Variants in SLC39A10 observed in about 807,000 individuals in gnomAD.
The protein encoded by SLC39A10 is solute carrier family 39 member 10, also known as zinc transporter ZIP10.
Under a neutral mutation model 65.1 loss-of-function variants are expected in SLC39A10, and 13 were observed. That is an observed-to-expected ratio of 0.20 (90% CI 0.13 to 0.32). The LOEUF is 0.32. SLC39A10 is among the 10% of genes least tolerant of loss of function. The pLI is 1.00. For synonymous variants in SLC39A10, 321 were observed against 342.2 expected (o/e 0.94, Z 0.68); for missense variants, 831 against 1,018.4 (o/e 0.82, Z 2.50).
intron 3 of SLC39A10, among the ~76,000 whole-genome samples, chr2:195,703,715 A>T (rs914984641): frequency 6.6e-6 from 1 of 152,144 alleles, no homozygotes; most frequent in Non-Finnish European, 1.5e-5. Context: ...GTGCAGTGGC[A>T]TGATCTTGGC....
chr2:195,659,156 T>A (rs1480352624), intron 1 of SLC39A10, among the ~76,000 whole-genome samples: 1 of 152,202 alleles, frequency 6.6e-6, no homozygotes, highest in Non-Finnish European at 1.5e-5. Flanking sequence ...TTTTTACCTG[T>A]CCATATTTAC....
chr2:195,655,309 C>T (rs1689123351), upstream of SLC39A10, among the ~76,000 whole-genome samples: 3 of 152,058 alleles, frequency 2.0e-5, no homozygotes, highest in South Asian at 6.2e-4. Flanking sequence ...TTGGTTCAGC[C>T]GTACTTGTGT....
chr2:195,659,742 A>G (rs1027162721), intron 1 of SLC39A10, among the ~76,000 whole-genome samples: 13 of 152,206 alleles, frequency 8.5e-5, no homozygotes, highest in Non-Finnish European at 1.5e-4. Flanking sequence ...AACTGTGACC[A>G]TTAAATGAGA....
Position 195,734,916 on chromosome 2 carries a change from G to C in SLC39A10, c.2371G>C (p.Glu791Gln), listed in dbSNP as rs757362804. The change falls in exon 10 of 10, where the codon GAA (glutamate) becomes CAA (glutamine). Residue 791 changes from glutamate (E) to glutamine (Q), a missense_variant. Physicochemically the swap from Glu to Gln is conservative, Grantham distance 29. This residue lies in a region of SLC39A10 where 120 missense variants were observed against 203.9 expected (regional missense o/e 0.59). Transcript: ENST00000359634. The part of the protein sequence containing the change: ...PEMLHGDGDN[E>Q]EHGFCPVGQF... ...AATGTTGCATGGTGATGGTGACAATGAAGAACATGGCTTTTGTCCTGTGGG... is the reference window on the plus strand; with the variant it reads ...AATGTTGCATGGTGATGGTGACAATCAAGAACATGGCTTTTGTCCTGTGGG... 1.1e-5 allele frequency: 18 copies of C among 1,610,030 alleles called. No individual in the cohort carries two copies. The highest frequency in any genetic ancestry group is 1.5e-5 in the Non-Finnish European group (18 of 1,178,560).
chr2:195,676,118 A>G (rs1181065017), intron 1 of SLC39A10, among the ~76,000 whole-genome samples: 3 of 151,842 alleles, frequency 2.0e-5, no homozygotes, highest in African/African-American at 7.3e-5. Context: ...CTGATGTTTT[A>G]TATACATTGT....
Position 195,728,362 on chromosome 2 carries a change from A to G in SLC39A10, c.2337+13A>G, listed in dbSNP as rs752299365. 6.2e-5 allele frequency: 100 copies of G among 1,602,900 alleles called. No individual in the cohort carries two copies. In the South Asian group the frequency reaches 8.3e-4, roughly 13 times the overall value. ...CTTGGTGGATATGGTAAGATATTTT[A>G]TATTTTTTTGTGGTACTAAACCTGC... On this transcript the variant is annotated intron_variant, in intron 9 of 9. Transcript: ENST00000359634. The surrounding 1 kb of genome is among the most constrained non-coding windows in gnomAD (Gnocchi z 4.4).
Position 195,708,536 on chromosome 2 carries a change from C to G in SLC39A10, c.1387-120C>G, listed in dbSNP as rs914077803. 4 of 771,898 alleles carry G rather than the reference C, an allele frequency of 5.2e-6. No individual in the cohort carries two copies. In the African/African-American group the frequency reaches 7.1e-5, roughly 14 times the overall value. The allele number at this position is 771,898 out of a possible 1,614,324, so 47.8% of individuals were successfully genotyped here. A position where few individuals can be genotyped will look rare whatever the true frequency, so the allele number is the denominator to read the frequency against. ...AAGTGAGATAATATCTAGGGGAGCA[C>G]TTTAAAACTTGAAAGGTATTTTTTC... On this transcript the variant is annotated intron_variant, in intron 4 of 9. Transcript: ENST00000359634.
intron 1 of SLC39A10, among the ~76,000 whole-genome samples, chr2:195,674,406 T>C (rs1689997849): frequency 1.3e-5 from 2 of 152,024 alleles, no homozygotes; most frequent in African/African-American, 4.8e-5. Context: ...CCTTCCCGAG[T>C]AGCTGAGATT....
intron 2 of SLC39A10, among the ~76,000 whole-genome samples, chr2:195,613,072 G>T (rs1688132882): frequency 6.6e-6 from 1 of 152,020 alleles, no homozygotes. Context: ...CTCCCAACAG[G>T]TGAAGTTAAG....
Position 195,619,760 on chromosome 2 carries a change from A to G in SLC39A10, c.-12+13527A>G, listed in dbSNP as rs1413575047. ...AGAAAAAAAAACTAAACTAAAGCTG[A>G]CACAAGTCTGAGTAAGATGGAATAG... On this transcript the variant is annotated intron_variant, in intron 2 of 2. Coordinates refer to the SLC39A10 transcript ENST00000458054. 2.0e-5 allele frequency among the ~76,000 whole-genome samples: 3 copies of G among 152,160 alleles called. No homozygotes were observed. The East Asian group carries it at 5.8e-4, about 29-fold the overall frequency.
At chr2:195,707,000 T>TA (rs991090547) in intron 4 of SLC39A10, among the ~76,000 whole-genome samples, 5 of 151,970 alleles carry the variant, frequency 3.3e-5, no homozygotes, top group Non-Finnish European at 4.4e-5. Flanking sequence ...CAATAGTCTT[T>TA]AAAAAAAACT....
At chr2:195,683,189 A>G (rs1034920666) in intron 2 of SLC39A10, among the ~76,000 whole-genome samples, 11 of 150,912 alleles carry the variant, frequency 7.3e-5, no homozygotes, top group Non-Finnish European at 1.5e-4. Flanking sequence ...GTACCAGTGG[A>G]TGAAGCTGCC....
At chr2:195,641,041 T>C (rs2105705043) in intron 2 of SLC39A10, among the ~76,000 whole-genome samples, 1 of 152,316 alleles carries the variant, frequency 6.6e-6, no homozygotes, top group African/African-American at 2.4e-5. Flanking sequence ...AGATAGTACA[T>C]TGAACAAGGA....
At chr2:195,727,821 C>T (rs371910092) in intron 8 of SLC39A10, among the ~76,000 whole-genome samples, 4 of 152,014 alleles carry the variant, frequency 2.6e-5, no homozygotes, top group Non-Finnish European at 4.4e-5. Context: ...CTTTGTCACC[C>T]CCAACAACCC....
intron 2 of SLC39A10, among the ~76,000 whole-genome samples, chr2:195,642,818 T>C (rs1688838291): frequency 1.3e-5 from 2 of 151,950 alleles, no homozygotes; most frequent in South Asian, 2.1e-4. Flanking sequence ...AGTAGAATAA[T>C]ATATAAGAGG....
At chr2:195,636,820 G>C (rs1430026038) in intron 2 of SLC39A10, among the ~76,000 whole-genome samples, 6 of 152,106 alleles carry the variant, frequency 3.9e-5, no homozygotes, top group African/African-American at 1.4e-4. Flanking sequence ...AGGATCGTTT[G>C]AGCCCAGGAG....
chr2:195,614,169 A>G (rs948061357), intron 2 of SLC39A10, among the ~76,000 whole-genome samples: 1 of 152,224 alleles, frequency 6.6e-6, no homozygotes, highest in Non-Finnish European at 1.5e-5. Context: ...GGCCATGACT[A>G]CAGAAGGAAT....
rs935158086 is a variant in SLC39A10, at chr2:195,630,152, T to G, written c.-12+23919T>G. On this transcript the variant is annotated intron_variant, in intron 2 of 2. Coordinates refer to the SLC39A10 transcript ENST00000458054. ...GTGTGTGTATGGTTTGGGTTTTTTTTTTTTTTTTTTTAATAAACTGAGACA... is the reference window on the plus strand; with the variant it reads ...GTGTGTGTATGGTTTGGGTTTTTTTGTTTTTTTTTTTAATAAACTGAGACA... Among the ~76,000 whole-genome samples the G allele has an allele frequency of 6.5e-4, 98 of 149,932 alleles. 1 individual carries two copies. In the Middle Eastern group the frequency reaches 0.01, roughly 16 times the overall value.
At chr2:195,720,243 T>C (rs1691979571) in intron 8 of SLC39A10, among the ~76,000 whole-genome samples, 1 of 152,216 alleles carries the variant, frequency 6.6e-6, no homozygotes, top group Non-Finnish European at 1.5e-5. Flanking sequence ...TTTTCTTTTT[T>C]ACCAAGGTAA....
Sources: gnomAD v4.1 joint callset for allele counts (sites outside exome capture counted in the v4.1 genomes callset) on GRCh38, gnomAD v4.1.1 for gene constraint, gnomAD v4.1.1 regional missense constraint, Gnocchi (gnomAD v3.1) non-coding constraint, MANE v1.5 for transcripts, NCBI Gene and HGNC (gene_info 2026-07-23, HGNC 2026-07-21) for gene names.